The following KANSL1 variants were observed in gnomAD, a reference collection of about 807,000 sequenced individuals.
KANSL1 encodes the protein MLL1/MLL complex subunit KANSL1.
In KANSL1, 22 loss-of-function variants were observed where a neutral mutation model predicts 103.6. The ratio of observed to expected loss-of-function variants is 0.21; its 90% confidence interval spans 0.15 to 0.30. The LOEUF is 0.30. Ranked by LOEUF, KANSL1 falls within the 10% of genes least tolerant of loss-of-function variation. KANSL1 has a pLI of 1.00. For missense variants in KANSL1, 1,337 were observed against 1,399.8 expected (o/e 0.96, Z 0.72); for synonymous variants, 600 against 527.6 (o/e 1.14, Z -1.88).
At chr17:46,079,225 G>T (rs2078897826) in intron 4 of KANSL1, among the ~76,000 whole-genome samples, 1 of 151,980 alleles carries the variant, frequency 6.6e-6, no homozygotes, top group Non-Finnish European at 1.5e-5. Context: ...GGTCCTTTTA[G>T]AACAACTTAG....
intron 13 of KANSL1, 128 bp downstream of exon 13, chr17:46,032,952 G>A: frequency 1.5e-6 from 1 of 672,432 alleles, no homozygotes; most frequent in South Asian, 1.9e-5. Flanking sequence ...TGAGCTATTT[G>A]CCACTGCCAG....
At position 46,066,694 on chromosome 17, in the gene KANSL1, C is replaced by G. The variant is rs765305846; in HGVS notation, c.1691G>C (p.Ser564Thr). ...ATGTAATTGTTCCTCAGCATCAGAG[C>G]TGTCACCTGGAATGTGGTCTGCCAA... is the stretch of plus-strand genomic sequence containing the variant. The part of the protein sequence containing the change: ...PVLADHIPGD[S>T]SDAEEQLHKK... Residue 564 changes from serine (S) to threonine (T), a missense_variant, in exon 6 of 15, where the codon AGC (serine) becomes ACC (threonine). Around this residue, in one of 2 missense-constraint regions of KANSL1, gnomAD observed 780 missense variants for 923.4 expected, o/e 0.84. Transcript: ENST00000432791. 2.9e-5 allele frequency: 47 copies of G among 1,613,992 alleles called. No homozygotes were observed. The highest frequency in any genetic ancestry group is 3.6e-5 in the Non-Finnish European group (43 of 1,180,016).
At chr17:46,065,640 T>C (rs1465236828) in intron 6 of KANSL1, among the ~76,000 whole-genome samples, 2 of 152,110 alleles carry the variant, frequency 1.3e-5, no homozygotes, top group African/African-American at 2.4e-5. Flanking sequence ...TACTAAGTGG[T>C]AGTACCATGA....
intron 3 of KANSL1, among the ~76,000 whole-genome samples, chr17:46,087,950 T>C (rs1224137109): frequency 1.3e-5 from 2 of 152,208 alleles, no homozygotes; most frequent in Non-Finnish European, 2.9e-5. Context: ...ACTGGGTCAG[T>C]GTTGAATAGC....
chr17:46,109,650 A>C (rs1243002288), intron 2 of KANSL1, among the ~76,000 whole-genome samples: 1 of 152,256 alleles, frequency 6.6e-6, no homozygotes, highest in East Asian at 1.9e-4. Flanking sequence ...CATCCTAAAA[A>C]TTGGAAGATA....
At chr17:46,073,380 T>C (rs928022127) in intron 4 of KANSL1, among the ~76,000 whole-genome samples, 2 of 152,130 alleles carry the variant, frequency 1.3e-5, no homozygotes, top group African/African-American at 2.4e-5. Context: ...TTAATTGCCA[T>C]AGAAGCAATG....
chr17:46,062,355 C>CTTTTTTTT (rs34577730), intron 6 of KANSL1, among the ~76,000 whole-genome samples: 3 of 95,468 alleles, frequency 3.1e-5, no homozygotes, highest in South Asian at 3.7e-4. Context: ...ATAACAACAG[C>CTTTTTTTT]TTTTTTTTTT....
chr17:46,176,569 T>C (rs1421551978), intron 1 of KANSL1, among the ~76,000 whole-genome samples: 1 of 152,072 alleles, frequency 6.6e-6, no homozygotes, highest in Non-Finnish European at 1.5e-5. Context: ...CGAGCGCCTG[T>C]AATCCCAGCT....
chr17:46,099,703 T>C (rs1051446568), intron 2 of KANSL1, among the ~76,000 whole-genome samples: 5 of 152,252 alleles, frequency 3.3e-5, no homozygotes, highest in African/African-American at 7.2e-5. Context: ...AGTAGGACAC[T>C]AGAATGCCTT....
chr17:46,124,980 A>AGAAGGAAAGAAAGG (rs892825233), intron 2 of KANSL1, among the ~76,000 whole-genome samples: 1 of 147,408 alleles, frequency 6.8e-6, no homozygotes, highest in Non-Finnish European at 1.5e-5. Flanking sequence ...ATCGAGAATT[A>AGAAGGAAAGAAAGG]GAAGGAAAGA....
intron 2 of KANSL1, among the ~76,000 whole-genome samples, chr17:46,140,195 A>G (rs1344276506): frequency 6.6e-6 from 1 of 152,246 alleles, no homozygotes; most frequent in Non-Finnish European, 1.5e-5. Flanking sequence ...AATAAAGAGT[A>G]GCATAAAGAA....
intron 1 of KANSL1, among the ~76,000 whole-genome samples, chr17:46,177,575 A>C (rs1003629649): frequency 3.9e-5 from 6 of 152,228 alleles, no homozygotes; most frequent in African/African-American, 1.4e-4. Flanking sequence ...AATGAAAAAA[A>C]GTTACAAAAC....
chr17:46,169,807 CTCTGTCTCCACCATGCCAATTTGGAG>C (rs2046188785), intron 2 of KANSL1, among the ~76,000 whole-genome samples: 1 of 152,178 alleles, frequency 6.6e-6, no homozygotes, highest in African/African-American at 2.4e-5. Flanking sequence ...AATGAAACGT[CTCTGTCTCCACCATGCCAATTTGGAG>C]TGCCACCCAT....
Position 46,083,286 on chromosome 17 carries a change from C to G in KANSL1, c.1432-744G>C, listed in dbSNP as rs141450078. On this transcript the variant is annotated intron_variant, in intron 3 of 14. Transcript: ENST00000432791. ...CTACATATGAATCCCACCATGTATA[C>G]CAGAAGAGGTGACAAAAATAAGGCT... Among the ~76,000 whole-genome samples the G allele has an allele frequency of 3.9e-5, 6 of 152,070 alleles. No homozygotes were observed. In the East Asian group the frequency reaches 1.2e-3, roughly 29 times the overall value.
At chr17:46,187,670 T>C (rs1194667796) in intron 1 of KANSL1, among the ~76,000 whole-genome samples, 1 of 152,264 alleles carries the variant, frequency 6.6e-6, no homozygotes, top group Non-Finnish European at 1.5e-5. Flanking sequence ...GCTTAAAATC[T>C]TGGAAAAGCA....
upstream of KANSL1, among the ~76,000 whole-genome samples, chr17:46,197,627 A>G (rs902546352): frequency 1.3e-5 from 2 of 152,250 alleles, no homozygotes; most frequent in Admixed American, 6.5e-5. Flanking sequence ...TACGCGACAG[A>G]AGGAGACTGT....
upstream of KANSL1, among the ~76,000 whole-genome samples, chr17:46,197,168 T>C (rs2047639788): frequency 6.6e-6 from 1 of 152,028 alleles, no homozygotes; most frequent in Non-Finnish European, 1.5e-5. Context: ...AAGGAAAAGG[T>C]GTTCCCTCTT....
At chr17:46,196,417 G>C (rs1268902004), upstream of KANSL1, 1 of 456,224 alleles carries the variant, frequency 2.2e-6, no homozygotes, top group Non-Finnish European at 4.4e-6. Flanking sequence ...CTCCAAAAGA[G>C]AACTGTGAGA....
intron 1 of KANSL1, among the ~76,000 whole-genome samples, chr17:46,219,352 T>TA (rs2148059048): frequency 6.6e-6 from 1 of 152,116 alleles, no homozygotes; most frequent in Non-Finnish European, 1.5e-5. Flanking sequence ...AAGAACAAGT[T>TA]AATTTTTTTT....
Sources: gnomAD v4.1 joint callset for allele counts (sites outside exome capture counted in the v4.1 genomes callset) on GRCh38, gnomAD v4.1.1 for gene constraint, gnomAD v4.1.1 regional missense constraint, MANE v1.5 for transcripts, NCBI Gene and HGNC (gene_info 2026-07-23, HGNC 2026-07-21) for gene names.